ACSF3: variants seen among roughly 807,000 people sequenced by gnomAD.
The protein encoded by ACSF3 is acyl-CoA synthetase family member 3, also known as malonate--CoA ligase ACSF3, mitochondrial.
A neutral mutation model predicts 53.2 loss-of-function variants in ACSF3; 78 were observed. The observed-to-expected ratio is 1.47, with a 90% CI of 1.22 to 1.77. The LOEUF is 1.77. Among genes scored for constraint, ACSF3 ranks in the 40% most tolerant of loss-of-function variants. The pLI, the probability that ACSF3 is intolerant of heterozygous loss-of-function variation, is 0.00. For synonymous variants in ACSF3, 414 were observed against 333.1 expected (o/e 1.24, Z -2.65); for missense variants, 937 against 771.1 (o/e 1.22, Z -2.55).
At chr16:89,102,564 G>C (rs894651696) in intron 3 of ACSF3, 40 bp from the exon 4 acceptor site, 15 of 1,611,278 alleles carry the variant, frequency 9.3e-6, no homozygotes, top group Non-Finnish European at 1.3e-5. Flanking sequence ...GCGGGCCACA[G>C]TCTTGCTCTT....
intron 8 of ACSF3, chr16:89,141,090 C>G (rs1291033342): frequency 3.1e-6 from 4 of 1,286,368 alleles, no homozygotes; most frequent in South Asian, 2.5e-5. Context: ...CCCTGGAGCC[C>G]TCTGAACCTT....
chr16:89,102,109 C>T lies in ACSF3; in HGVS notation c.667-495C>T, dbSNP rs78732378. ...AGAGGATTCAGTGGGCCGTGCCTCA[C>T]GCTGCTTCTCAGTAAGAGCTGAGGG... On this transcript the variant is annotated intron_variant, in intron 3 of 10. Coordinates refer to ENST00000614302, the MANE Select transcript of ACSF3 (RefSeq NM_001243279.3). 5.7e-3 allele frequency among the ~76,000 whole-genome samples: 870 copies of T among 152,346 alleles called. 5 individuals are homozygous for T. The highest frequency in any genetic ancestry group is 0.02 in the African/African-American group (818 of 41,580).
intron 9 of ACSF3, 102 bp downstream of exon 9, chr16:89,145,503 C>G: frequency 2.2e-6 from 3 of 1,390,790 alleles, no homozygotes; most frequent in Non-Finnish European, 3.0e-6. Flanking sequence ...GTCCCAGCTG[C>G]CTGCAGGGGT....
Position 89,101,263 on chromosome 16 carries a change from C to T in ACSF3, c.582C>T (p.Asn194=). Residue 194 remains asparagine, a synonymous_variant, in exon 3 of 11, where the codon AAC becomes AAT. Transcript: ENST00000614302. ...CGGTCCCAGAGCAGGGATGGAGGAA[C>T]AAGGGCGCCATGATCATCTACACCA... ...EVPVPEQGWR[N]KGAMIIYTSG... is the part of the protein sequence containing the mutation. The T allele has an allele frequency of 1.2e-6, 2 of 1,601,378 alleles. No individual in the cohort carries two copies. The highest frequency in any genetic ancestry group is 2.7e-5 in the African/African-American group (2 of 74,804).
In ACSF3 at chr16:89,102,598, C is replaced by G; in HGVS notation, c.667-6C>G. On this transcript the variant is annotated splice_region_variant and splice_polypyrimidine_tract_variant and intron_variant, in intron 3 of 10. Coordinates refer to ENST00000614302, the MANE Select transcript of ACSF3 (RefSeq NM_001243279.3). ...TTGCTCTCAGCTGTGCTCTCGTCCC[C>G]TGCAGGTGACCGGGCTGGTCCACAA... 1.9e-6 allele frequency: 3 copies of G among 1,613,598 alleles called. No individual in the cohort carries two copies. The highest frequency in any genetic ancestry group is 2.5e-6 in the Non-Finnish European group (3 of 1,180,036).
intron 3 of ACSF3, among the ~76,000 whole-genome samples, chr16:89,102,192 G>A (rs935291423): frequency 3.3e-5 from 5 of 152,228 alleles, no homozygotes; most frequent in African/African-American, 1.2e-4. Context: ...GATAATTCAC[G>A]AATCGGCAGA....
At chr16:89,143,597 C>T (rs938855617) in intron 8 of ACSF3, among the ~76,000 whole-genome samples, 3 of 152,160 alleles carry the variant, frequency 2.0e-5, no homozygotes, top group Non-Finnish European at 4.4e-5. Context: ...CCAGGCTGCA[C>T]AGCAGGAGCA....
chr16:89,109,869 G>A (rs1207788914), intron 4 of ACSF3, among the ~76,000 whole-genome samples: 1 of 152,230 alleles, frequency 6.6e-6, no homozygotes, highest in East Asian at 1.9e-4. Flanking sequence ...TTACGGGCAT[G>A]AGCACTGCAC....
chr16:89,117,805 G>A (rs1383664040), intron 6 of ACSF3, among the ~76,000 whole-genome samples: 1 of 152,182 alleles, frequency 6.6e-6, no homozygotes, highest in Non-Finnish European at 1.5e-5. Context: ...AGGAGTCCCC[G>A]GCTGAGGAGG....
Position 89,100,661 on chromosome 16 carries a change from G to T in ACSF3, c.-20-1G>T, listed in dbSNP as rs1416172356. ...ACGTCCTGTGCCTTGCCTTTCTCCAGCTCGGCCGCCTGTCAGTGCAATGCT... is the reference window on the plus strand; with the variant it reads ...ACGTCCTGTGCCTTGCCTTTCTCCATCTCGGCCGCCTGTCAGTGCAATGCT... On this transcript the variant is annotated splice_acceptor_variant, in intron 2 of 10. Transcript: ENST00000614302. LOFTEE classifies it low-confidence loss of function (5UTR_SPLICE). 2 of 1,454,906 alleles carry T rather than the reference G, an allele frequency of 1.4e-6. No individual in the cohort carries two copies. Among genetic ancestry groups the T allele is most frequent in the Non-Finnish European group, 1.8e-6 (2 of 1,109,944 alleles). The allele number at this position is 1,454,906 out of a possible 1,614,324, so 90.1% of individuals were successfully genotyped here.
At chr16:89,141,183 TG>T (rs750554361) in intron 8 of ACSF3, 1 of 1,287,226 alleles carries the variant, frequency 7.8e-7, no homozygotes, top group South Asian at 1.2e-5. Context: ...GTTTAAACCC[TG>T]GCTCCGATGC....
chr16:89,124,615 ATG>A (rs568942215), intron 7 of ACSF3, among the ~76,000 whole-genome samples: 3 of 151,326 alleles, frequency 2.0e-5, no homozygotes, highest in Non-Finnish European at 2.9e-5. Flanking sequence ...CACTGCGTGT[ATG>A]TGTGTGATAC....
intron 8 of ACSF3, 134 bp from the exon 9 acceptor site, chr16:89,145,133 G>C (rs1405837406): frequency 6.2e-7 from 1 of 1,604,694 alleles, no homozygotes; most frequent in Non-Finnish European, 8.5e-7. Context: ...GTTGCCACAG[G>C]GTAGTAACCA....
intron 8 of ACSF3, among the ~76,000 whole-genome samples, chr16:89,133,582 C>G (rs974858397): frequency 2.0e-5 from 3 of 152,200 alleles, no homozygotes; most frequent in Non-Finnish European, 4.4e-5. Context: ...GACGCCGGGC[C>G]CCACGCAGCC....
intron 4 of ACSF3, among the ~76,000 whole-genome samples, chr16:89,107,380 C>T (rs975860688): frequency 1.3e-5 from 2 of 152,248 alleles, no homozygotes; most frequent in African/African-American, 4.8e-5. Flanking sequence ...CGCCTCAGCA[C>T]CATCCTGCTA....
chr16:89,142,659 A>G (rs1163491429), intron 8 of ACSF3, among the ~76,000 whole-genome samples: 2 of 151,096 alleles, frequency 1.3e-5, no homozygotes, highest in African/African-American at 2.4e-5. Context: ...ACACCTGCAG[A>G]CAGAGCCACA....
intron 10 of ACSF3, chr16:89,148,819 C>A (rs1913584984): frequency 6.6e-6 from 1 of 152,366 alleles, no homozygotes; most frequent in East Asian, 1.9e-4. Context: ...AACCATTCTT[C>A]CCTCCGAGGC....
At chr16:89,137,748 A>G (rs1910920483) in intron 8 of ACSF3, among the ~76,000 whole-genome samples, 1 of 152,138 alleles carries the variant, frequency 6.6e-6, no homozygotes, top group Admixed American at 6.5e-5. Flanking sequence ...CCAGACTGAG[A>G]AATTCTGCTC....
chr16:89,113,830 G>A (rs1363887265), intron 5 of ACSF3: 3 of 259,352 alleles, frequency 1.2e-5, no homozygotes, highest in Non-Finnish European at 2.3e-5. Context: ...CCCCTTGGGT[G>A]TGCCCGGCCC....
Sources: allele counts gnomAD v4.1 joint callset (sites outside exome capture counted in the v4.1 genomes callset), GRCh38; gene constraint gnomAD v4.1.1; transcripts MANE v1.5; gene names NCBI Gene and HGNC (gene_info 2026-07-23, HGNC 2026-07-21).